Variants in ARHGEF18 observed in about 807,000 individuals in gnomAD.
ARHGEF18 encodes the protein Rho/Rac guanine nucleotide exchange factor 18.
In ARHGEF18, 93 loss-of-function variants were observed where a neutral mutation model predicts 155.7. The ratio of observed to expected loss-of-function variants is 0.60; its 90% CI spans 0.50 to 0.71. The LOEUF (loss-of-function observed/expected upper bound fraction) is 0.71, where lower values mean the gene tolerates loss of function less well. ARHGEF18 is among the 30% of genes least tolerant of loss of function. The probability of loss-of-function intolerance (pLI) is 0.00; values close to 1 mark genes in which losing one functional copy is unlikely to be tolerated. For missense variants in ARHGEF18, 1,593 were observed against 1,816.1 expected (o/e 0.88, Z 2.23); for synonymous variants, 742 against 753.1 (o/e 0.99, Z 0.24).
intron 15 of ARHGEF18, among the ~76,000 whole-genome samples, chr19:7,450,650 G>T: frequency 1.3e-5 from 2 of 152,250 alleles, no homozygotes; most frequent in African/African-American, 2.4e-5. Context: ...TGTTAATACG[G>T]GATCTTGCTG....
intron 10 of ARHGEF18, among the ~76,000 whole-genome samples, chr19:7,433,826 C>T (rs1974103629): frequency 6.6e-6 from 1 of 151,894 alleles, no homozygotes; most frequent in Non-Finnish European, 1.5e-5. Context: ...TTGAGACCAG[C>T]TTGGCCAACG....
At chr19:7,469,845 C>G in intron 27 of ARHGEF18, 59 bp from the exon 28 acceptor site, 1 of 1,585,986 alleles carries the variant, frequency 6.3e-7, no homozygotes, top group Non-Finnish European at 8.6e-7. Context: ...GGAGGCTGCC[C>G]TGGCGGGTGG....
chr19:7,356,358 C>A (rs1268728050), intron 1 of ARHGEF18, among the ~76,000 whole-genome samples: 1 of 151,426 alleles, frequency 6.6e-6, no homozygotes, highest in Non-Finnish European at 1.5e-5. Flanking sequence ...ACTGCAAACT[C>A]TGCCTCCAGG....
chr19:7,354,048 C>T (rs1033235693), intron 1 of ARHGEF18, among the ~76,000 whole-genome samples: 3 of 152,158 alleles, frequency 2.0e-5, no homozygotes, highest in South Asian at 2.1e-4. Flanking sequence ...CCATGGCTCA[C>T]GCCTGTAATC....
At chr19:7,377,076 CT>C (rs113555255) in intron 5 of ARHGEF18, among the ~76,000 whole-genome samples, 18,452 of 146,820 alleles carry the variant, frequency 0.13, 3,205 homozygotes, top group African/African-American at 0.39. Flanking sequence ...CTCTATGACT[CT>C]TTTTTTTTTT....
intron 10 of ARHGEF18, among the ~76,000 whole-genome samples, chr19:7,437,709 T>A (rs978272130): frequency 5.3e-5 from 8 of 151,178 alleles, no homozygotes; most frequent in Non-Finnish European, 8.8e-5. Flanking sequence ...GGTGGCATGA[T>A]GTCAGCTCAC....
At chr19:7,386,228 A>G (rs1392816753) in intron 10 of ARHGEF18, among the ~76,000 whole-genome samples, 3 of 126,298 alleles carry the variant, frequency 2.4e-5, no homozygotes, top group Admixed American at 8.0e-5. Context: ...GGCTCTTGCT[A>G]TGTTGCAAAA....
chr19:7,475,265 G>A (rs939925167), downstream of ARHGEF18, among the ~76,000 whole-genome samples: 2 of 152,108 alleles, frequency 1.3e-5, no homozygotes, highest in African/African-American at 4.8e-5. Flanking sequence ...GGTTCACAAA[G>A]GGGTCTGTTC....
intron 10 of ARHGEF18, among the ~76,000 whole-genome samples, chr19:7,396,041 G>A (rs905710640): frequency 2.0e-5 from 3 of 152,008 alleles, no homozygotes; most frequent in African/African-American, 7.2e-5. Context: ...TTGTCTTCTT[G>A]GTGTCCATGA....
At chr19:7,382,261 T>C (rs968405343) in intron 8 of ARHGEF18, among the ~76,000 whole-genome samples, 2 of 151,946 alleles carry the variant, frequency 1.3e-5, no homozygotes, top group African/African-American at 2.4e-5. Context: ...CTGGGCACAG[T>C]GGCACACACC....
chr19:7,351,305 T>G (rs956256910), intron 1 of ARHGEF18, among the ~76,000 whole-genome samples: 2 of 150,304 alleles, frequency 1.3e-5, no homozygotes, highest in African/African-American at 4.9e-5. Context: ...AGTGGACTTC[T>G]TTTGTTTGTT....
chr19:7,378,471 TGGGGGAGGGACCCCCAGGG>T lies in ARHGEF18; in HGVS notation c.599+21_599+39del. On this transcript the variant is annotated intron_variant, in intron 6 of 28. Transcript: ENST00000668164. The stretch of plus-strand genomic sequence containing the variant: ...TCACGTGTGAGTTTCTGCCTCGTGG[TGGGGGAGGGACCCCCAGGG>T]AACAGGCCACAAAGTCAGGGCTGCG... 8.1e-7 allele frequency: 1 copy of T among 1,234,230 alleles called. No individual in the cohort carries two copies. The highest frequency in any genetic ancestry group is 1.0e-6 in the Non-Finnish European group (1 of 988,166). The allele number at this position is 1,234,230 out of a possible 1,614,324, so 76.5% of individuals were successfully genotyped here. A position where few individuals can be genotyped will look rare whatever the true frequency, so the allele number is the denominator to read the frequency against.
At chr19:7,446,386 G>T (rs1974993096) in intron 14 of ARHGEF18, among the ~76,000 whole-genome samples, 1 of 151,270 alleles carries the variant, frequency 6.6e-6, no homozygotes, top group African/African-American at 2.4e-5. Flanking sequence ...AAAAATAAAA[G>T]AAAATGGAAT....
chr19:7,398,152 A>C (rs1971827595), intron 10 of ARHGEF18, among the ~76,000 whole-genome samples: 1 of 151,966 alleles, frequency 6.6e-6, no homozygotes. Context: ...GGCTCACTAC[A>C]ACCTCCGCCT....
At chr19:7,479,233 C>T in the ARHGEF18 span, among the ~76,000 whole-genome samples, 3 of 152,174 alleles carry the variant, frequency 2.0e-5, no homozygotes, top group East Asian at 1.9e-4. Context: ...CCTGTAATCC[C>T]GGGACTTTGG....
chr19:7,469,855 G>A lies in ARHGEF18; in HGVS notation c.3788-49G>A, dbSNP rs377105103. ...CTCTCGGAGGCTGCCCTGGCGGGTG[G>A]GGACAGCTGGCCAGCCTGGAGCTGG... On this transcript the variant is annotated intron_variant, in intron 27 of 28. Transcript: ENST00000668164. 4.1e-5 allele frequency: 66 copies of A among 1,596,278 alleles called. 1 individual carries two copies. The highest frequency in any genetic ancestry group is 2.1e-4 in the South Asian group (19 of 89,150).
downstream of ARHGEF18, among the ~76,000 whole-genome samples, chr19:7,474,813 C>G (rs1256472921): frequency 1.4e-5 from 2 of 143,200 alleles, no homozygotes; most frequent in South Asian, 2.2e-4. Context: ...TTGCTCCACC[C>G]CAACCCCAGC....
At chr19:7,357,692 C>T (rs192228774) in intron 1 of ARHGEF18, among the ~76,000 whole-genome samples, 1 of 152,226 alleles carries the variant, frequency 6.6e-6, no homozygotes, top group African/African-American at 2.4e-5. Flanking sequence ...TTGTCACCCT[C>T]TTAAGCTCTG....
At chr19:7,389,471 CCTTCCTTCCTTCCTT>C (rs1352295863) in intron 10 of ARHGEF18, among the ~76,000 whole-genome samples, 1 of 139,024 alleles carries the variant, frequency 7.2e-6, no homozygotes, top group African/African-American at 2.6e-5. Flanking sequence ...ACATTTTCTT[CCTTCCTTCCTTCCTT>C]CTTCCTTCCT....
Sources: gnomAD v4.1 joint callset for allele counts (sites outside exome capture counted in the v4.1 genomes callset) on GRCh38, gnomAD v4.1.1 for gene constraint, MANE v1.5 for transcripts, NCBI Gene and HGNC (gene_info 2026-07-23, HGNC 2026-07-21) for gene names.